The following MMS19 variants were observed in gnomAD, a reference collection of about 807,000 sequenced individuals.
MMS19 encodes the protein MMS19 nucleotide excision repair protein homolog.
Under a neutral mutation model 129.8 loss-of-function variants are expected in MMS19, and 77 were observed. That is an observed-to-expected ratio of 0.59 (90% confidence interval 0.49 to 0.72). The LOEUF (loss-of-function observed/expected upper bound fraction) is 0.72, where lower values mean the gene tolerates loss of function less well. Among genes scored for constraint, MMS19 ranks in the 30% least tolerant of loss-of-function variants. The pLI is 0.00. For missense variants in MMS19, 1,168 were observed against 1,266.3 expected (o/e 0.92, Z 1.18); for synonymous variants, 491 against 502.8 (o/e 0.98, Z 0.31).
intron 1 of MMS19, among the ~76,000 whole-genome samples, chr10:97,495,084 G>C (rs1322011034): frequency 6.6e-6 from 1 of 152,212 alleles, no homozygotes; most frequent in Non-Finnish European, 1.5e-5. Context: ...AAACCCTTGG[G>C]GAGGGGTAGG....
At chr10:97,481,105 C>T (rs1453943470) in intron 2 of MMS19, 63 bp from the exon 3 acceptor site, 6 of 1,031,708 alleles carry the variant, frequency 5.8e-6, no homozygotes, top group South Asian at 2.8e-5. Context: ...AAGAAATAAA[C>T]ATTTTACATT....
At chr10:97,488,022 G>C (rs1401358806) in intron 1 of MMS19, among the ~76,000 whole-genome samples, 1 of 152,170 alleles carries the variant, frequency 6.6e-6, no homozygotes, top group Admixed American at 6.5e-5. Flanking sequence ...CCGGGAGGCA[G>C]AGGTTGCAGT....
intron 1 of MMS19, among the ~76,000 whole-genome samples, chr10:97,491,302 C>T (rs2038835947): frequency 6.6e-6 from 1 of 152,194 alleles, no homozygotes; most frequent in Admixed American, 6.5e-5. Context: ...ATATTTGGAA[C>T]GAAGGCTCTA....
chr10:97,498,498 G>C, upstream of MMS19: 1 of 1,459,434 alleles, frequency 6.9e-7, no homozygotes, highest in Non-Finnish European at 9.1e-7. Context: ...GGGCGCCGGG[G>C]TCACGTGCCT....
chr10:97,460,064 A>T lies in MMS19; in HGVS notation c.2638T>A (p.Phe880Ile), dbSNP rs1463078943. The T allele has an allele frequency of 3.7e-6, 6 of 1,613,798 alleles. No individual in the cohort carries two copies. Among genetic ancestry groups the T allele is most frequent in the Non-Finnish European group, 4.2e-6 (5 of 1,179,810 alleles). Residue 880 changes from phenylalanine to isoleucine, a missense_variant, in exon 26 of 31, where the codon TTC becomes ATC. Physicochemically the swap from Phe to Ile is conservative, Grantham distance 21. Transcript: ENST00000438925. ...TCCTCACCTTGGGGAGCAGCATGGA[A>T]GCCCTGGACCAAAGCAGGCACATTA... ...TDNVPALVQG[F>I]HAAPQDVKPN...
At chr10:97,458,922 T>C in intron 29 of MMS19, 22 bp from the exon 30 acceptor site, 13 of 1,610,584 alleles carry the variant, frequency 8.1e-6, no homozygotes, top group Non-Finnish European at 1.1e-5. Flanking sequence ...GAGGATATAA[T>C]CAACCTTGCT....
chr10:97,475,145 C>T (rs563401260), intron 8 of MMS19, among the ~76,000 whole-genome samples: 1 of 152,086 alleles, frequency 6.6e-6, no homozygotes, highest in Non-Finnish European at 1.5e-5. Flanking sequence ...AAAGAGCTAA[C>T]TTATATACTG....
chr10:97,471,106 G>A (rs1232653314), intron 8 of MMS19, among the ~76,000 whole-genome samples: 1 of 152,166 alleles, frequency 6.6e-6, no homozygotes, highest in African/African-American at 2.4e-5. Context: ...AAATAAGCAT[G>A]CTTAACTTTC....
At chr10:97,488,285 A>G (rs1359819963) in intron 1 of MMS19, among the ~76,000 whole-genome samples, 1 of 152,198 alleles carries the variant, frequency 6.6e-6, no homozygotes, top group South Asian at 2.1e-4. Context: ...ACTTAGCAAT[A>G]TATTATGTTT....
Position 97,480,931 on chromosome 10 carries a change from G to A in MMS19, c.262+11C>T. 6.4e-7 allele frequency: 1 copy of A among 1,573,594 alleles called. No individual in the cohort carries two copies. The highest frequency in any genetic ancestry group is 8.7e-7 in the Non-Finnish European group (1 of 1,149,948). ...AATCCAGGAAGACATTCCTATTAGTGACACCAGTACCTTCCTTCTCCAGGA... is the reference window on the plus strand; with the variant it reads ...AATCCAGGAAGACATTCCTATTAGTAACACCAGTACCTTCCTTCTCCAGGA... On this transcript the variant is annotated intron_variant, in intron 3 of 30. Transcript: ENST00000438925.
intron 12 of MMS19, 86 bp downstream of exon 12, chr10:97,468,880 A>AT: frequency 7.0e-7 from 1 of 1,430,940 alleles, no homozygotes; most frequent in Non-Finnish European, 9.4e-7. Context: ...AAGTGCAGGG[A>AT]TTACAGGCGT....
chr10:97,496,004 C>T (rs2039715101), intron 1 of MMS19, among the ~76,000 whole-genome samples: 2 of 151,974 alleles, frequency 1.3e-5, no homozygotes, highest in African/African-American at 2.4e-5. Flanking sequence ...TGGTCTCAAA[C>T]TCCTGGGCTC....
At chr10:97,477,268 G>T in intron 6 of MMS19, 79 bp downstream of exon 6, 2 of 1,610,664 alleles carry the variant, frequency 1.2e-6, no homozygotes, top group African/African-American at 1.3e-5. Flanking sequence ...TATAACCCCA[G>T]GTAAAATGAG....
intron 1 of MMS19, 127 bp from the exon 2 acceptor site, chr10:97,484,278 A>G (rs2037412902): frequency 1.8e-6 from 1 of 563,334 alleles, no homozygotes; most frequent in Non-Finnish European, 3.0e-6. Flanking sequence ...ATATTTGCCA[A>G]GAGCCCTCCT....
At chr10:97,476,465 TAC>T (rs1388847389) in intron 8 of MMS19, among the ~76,000 whole-genome samples, 4 of 152,228 alleles carry the variant, frequency 2.6e-5, no homozygotes, top group Non-Finnish European at 5.9e-5. Context: ...CAGCACTAAA[TAC>T]AGTGTTAAGG....
chr10:97,459,613 A>G (rs886397492), intron 27 of MMS19, 46 bp downstream of exon 27: 1 of 1,599,970 alleles, frequency 6.3e-7, no homozygotes, highest in East Asian at 2.2e-5. Context: ...CATCTGGGGA[A>G]GAATAGCTTT....
chr10:97,498,410 G>T lies in MMS19; in HGVS notation c.-26C>A. 1 of 1,574,364 alleles carries T rather than the reference G, an allele frequency of 6.4e-7. No homozygotes were observed. The highest frequency in any genetic ancestry group is 8.6e-7 in the Non-Finnish European group (1 of 1,168,598). ...AACGCGAACTAGAGACCGTGGGAGG[G>T]GATATGGGCGGTGGCTCGAGACGGG... is the stretch of plus-strand genomic sequence containing the variant. On this transcript the variant is annotated 5_prime_UTR_variant, in exon 1 of 31. Transcript: ENST00000438925.
At chr10:97,484,250 T>C (rs2037407060) in intron 1 of MMS19, 99 bp from the exon 2 acceptor site, 1 of 779,582 alleles carries the variant, frequency 1.3e-6, no homozygotes, top group East Asian at 2.7e-5. Context: ...CCCTAGGCTT[T>C]GTACCTGGGG....
intron 11 of MMS19, 84 bp downstream of exon 11, chr10:97,469,562 A>G (rs1158870643): frequency 1.2e-5 from 14 of 1,146,526 alleles, no homozygotes; most frequent in Non-Finnish European, 1.3e-6. Flanking sequence ...GGGATGACAG[A>G]GGGAAAAGGA....
Sources: gnomAD v4.1 joint callset for allele counts (sites outside exome capture counted in the v4.1 genomes callset) on GRCh38, gnomAD v4.1.1 for gene constraint, MANE v1.5 for transcripts, NCBI Gene and HGNC (gene_info 2026-07-23, HGNC 2026-07-21) for gene names.